Variants in OCA2 observed in about 807,000 individuals in gnomAD.
OCA2 encodes OCA2 melanosomal transmembrane protein.
A neutral mutation model predicts 100.2 loss-of-function variants in OCA2; 77 were observed. The observed-to-expected ratio is 0.77, with a 90% confidence interval of 0.64 to 0.93. The LOEUF (loss-of-function observed/expected upper bound fraction) is 0.93, where lower values mean the gene tolerates loss of function less well. Among genes scored for constraint, OCA2 ranks in the 40% least tolerant of loss-of-function variants. The pLI is 0.00. For missense variants in OCA2, 1,062 were observed against 1,089.1 expected, an observed-to-expected ratio of 0.98 and a Z score of 0.35; for synonymous variants, 432 against 439.2, an observed-to-expected ratio of 0.98 and a Z score of 0.21.
intron 23 of OCA2, among the ~76,000 whole-genome samples, chr15:27,796,781 C>A (rs4238493): frequency 3.3e-5 from 5 of 151,960 alleles, no homozygotes; most frequent in Admixed American, 2.6e-4. Flanking sequence ...AAAAACTATA[C>A]GGAAAAATCT....
intron 19 of OCA2, among the ~76,000 whole-genome samples, chr15:27,918,470 C>A (rs1392496458): frequency 6.6e-6 from 1 of 152,182 alleles, no homozygotes; most frequent in Non-Finnish European, 1.5e-5. Flanking sequence ...GGCAAGAATG[C>A]ATCCCGTAGT....
intron 21 of OCA2, among the ~76,000 whole-genome samples, chr15:27,852,414 T>C (rs999200804): frequency 6.6e-6 from 1 of 152,200 alleles, no homozygotes; most frequent in Non-Finnish European, 1.5e-5. Flanking sequence ...GTTCCATTGA[T>C]CTATATCTCT....
intron 23 of OCA2, among the ~76,000 whole-genome samples, chr15:27,777,142 G>A (rs1409574867): frequency 6.6e-6 from 1 of 152,118 alleles, no homozygotes; most frequent in Non-Finnish European, 1.5e-5. Flanking sequence ...GCCCCACCCT[G>A]GCCAACCCTG....
intron 9 of OCA2, among the ~76,000 whole-genome samples, chr15:28,005,652 A>G (rs2042070229): frequency 6.6e-6 from 1 of 152,034 alleles, no homozygotes; most frequent in African/African-American, 2.4e-5. Flanking sequence ...CCCACTGACC[A>G]CAGCTGGGAG....
the OCA2 span, among the ~76,000 whole-genome samples, chr15:27,731,343 A>C: frequency 6.6e-6 from 1 of 152,206 alleles, no homozygotes; most frequent in African/African-American, 2.4e-5. Flanking sequence ...CCTGTATAAA[A>C]ATACTATTAA....
At chr15:27,789,704 T>G (rs2032990041) in intron 23 of OCA2, among the ~76,000 whole-genome samples, 1 of 152,222 alleles carries the variant, frequency 6.6e-6, no homozygotes, top group Admixed American at 6.5e-5. Context: ...TTTATTTGAT[T>G]TTTAGCAAAA....
intron 16 of OCA2, among the ~76,000 whole-genome samples, chr15:27,955,488 C>G (rs763792588): frequency 1.3e-5 from 2 of 152,270 alleles, no homozygotes; most frequent in South Asian, 2.1e-4. Context: ...GGAAGCTTCA[C>G]GAAAACCCCG....
intron 3 of OCA2, among the ~76,000 whole-genome samples, chr15:28,029,485 A>G (rs915238951): frequency 6.6e-6 from 1 of 152,360 alleles, no homozygotes; most frequent in African/African-American, 2.4e-5. Context: ...GTGCTGTGCA[A>G]TAGAACTTTC....
At chr15:27,774,302 G>C (rs1259455412) in intron 23 of OCA2, among the ~76,000 whole-genome samples, 1 of 152,236 alleles carries the variant, frequency 6.6e-6, no homozygotes, top group Non-Finnish European at 1.5e-5. Flanking sequence ...GTGAGGAAGA[G>C]AGTCCATGTT....
At chr15:27,839,399 T>C (rs550148019) in intron 23 of OCA2, among the ~76,000 whole-genome samples, 1 of 152,338 alleles carries the variant, frequency 6.6e-6, no homozygotes, top group East Asian at 1.9e-4. Flanking sequence ...AGTTCATTTA[T>C]TAAAAGAAAA....
At chr15:27,966,882 T>C (rs1197759449) in intron 14 of OCA2, 60 bp from the exon 15 acceptor site, 5 of 1,553,900 alleles carry the variant, frequency 3.2e-6, no homozygotes, top group Non-Finnish European at 3.5e-6. Flanking sequence ...ACGCCTGTAA[T>C]CCCAGCACTT....
intron 18 of OCA2, among the ~76,000 whole-genome samples, chr15:27,932,082 T>C (rs17674702): frequency 0.051 from 7,737 of 152,232 alleles, 371 homozygotes; most frequent in South Asian, 0.21. Context: ...ACGTTATACT[T>C]AATGCAATAC....
chr15:27,831,132 A>G (rs2034933788), intron 23 of OCA2, among the ~76,000 whole-genome samples: 1 of 151,970 alleles, frequency 6.6e-6, no homozygotes, highest in Non-Finnish European at 1.5e-5. Flanking sequence ...CTAAAAATAT[A>G]AAAATTAGCT....
At chr15:27,916,165 A>G (rs2038655545) in intron 19 of OCA2, among the ~76,000 whole-genome samples, 1 of 152,196 alleles carries the variant, frequency 6.6e-6, no homozygotes, top group South Asian at 2.1e-4. Flanking sequence ...GACACAAAGA[A>G]GGGAACCATA....
chr15:27,744,017 G>A, the OCA2 span, among the ~76,000 whole-genome samples: 4 of 152,124 alleles, frequency 2.6e-5, no homozygotes, highest in East Asian at 7.7e-4. Context: ...ACACTGCAGA[G>A]TCCATAAAGT....
intron 18 of OCA2, among the ~76,000 whole-genome samples, chr15:27,937,424 A>G (rs1018132060): frequency 6.6e-6 from 1 of 152,238 alleles, no homozygotes; most frequent in African/African-American, 2.4e-5. Context: ...ACCACTGTGA[A>G]CAAAATTACT....
intron 9 of OCA2, among the ~76,000 whole-genome samples, chr15:27,998,904 A>G (rs1463813794): frequency 3.3e-5 from 5 of 150,732 alleles, no homozygotes; most frequent in African/African-American, 1.2e-4. Context: ...TTGTAGGGAC[A>G]TGGATGAAAT....
chr15:27,960,245 TTC>T (rs1239923553), intron 15 of OCA2, among the ~76,000 whole-genome samples: 2 of 152,248 alleles, frequency 1.3e-5, no homozygotes, highest in Non-Finnish European at 2.9e-5. Flanking sequence ...GTCAATGTCA[TTC>T]TCTTTTATAT....
intron 23 of OCA2, among the ~76,000 whole-genome samples, chr15:27,827,927 G>A (rs1217618127): frequency 6.6e-6 from 1 of 152,058 alleles, no homozygotes; most frequent in East Asian, 1.9e-4. Flanking sequence ...TTGAAATAAG[G>A]TCACTGGATA....
Sources: allele counts gnomAD v4.1 joint callset (sites outside exome capture counted in the v4.1 genomes callset), GRCh38; gene constraint gnomAD v4.1.1; transcripts MANE v1.5; gene names NCBI Gene and HGNC (gene_info 2026-07-23, HGNC 2026-07-21).